Variants in MMS19 observed in about 807,000 individuals in gnomAD.
MMS19 encodes the protein MMS19 nucleotide excision repair protein homolog.
In MMS19, 77 loss-of-function variants were observed where a neutral mutation model predicts 129.8. The ratio of observed to expected loss-of-function variants is 0.59; its 90% CI spans 0.49 to 0.72. The LOEUF (loss-of-function observed/expected upper bound fraction) is 0.72. MMS19 is among the 30% of genes least tolerant of loss of function. The pLI is 0.00. For synonymous variants in MMS19, 491 were observed against 502.8 expected, an observed-to-expected ratio of 0.98 and a Z score of 0.31; for missense variants, 1,168 against 1,266.3, an observed-to-expected ratio of 0.92 and a Z score of 1.18.
At chr10:97,472,193 CAG>C (rs2034855840) in intron 8 of MMS19, among the ~76,000 whole-genome samples, 1 of 152,156 alleles carries the variant, frequency 6.6e-6, no homozygotes, top group South Asian at 2.1e-4. Flanking sequence ...GTTTATGAAA[CAG>C]AAGAAATTCA....
chr10:97,461,205 A>G, intron 23 of MMS19, 198 bp from the exon 24 acceptor site: 2 of 608,748 alleles, frequency 3.3e-6, no homozygotes, highest in South Asian at 4.2e-5. Flanking sequence ...CCATTTGAAA[A>G]GAGAGGGTCA....
chr10:97,468,195 GA>G, intron 13 of MMS19, 56 bp downstream of exon 13: 1 of 1,459,938 alleles, frequency 6.8e-7, no homozygotes, highest in Non-Finnish European at 9.1e-7. Context: ...CACTCTCTGA[GA>G]AAGGGAACCT....
At chr10:97,462,489 TA>T in intron 20 of MMS19, 93 bp downstream of exon 20, 1 of 871,290 alleles carries the variant, frequency 1.1e-6, no homozygotes, top group Non-Finnish European at 1.9e-6. Context: ...TACATATAGG[TA>T]AAAGGACAGC....
chr10:97,473,908 C>T (rs1376227580), intron 8 of MMS19, among the ~76,000 whole-genome samples: 3 of 151,792 alleles, frequency 2.0e-5, no homozygotes, highest in African/African-American at 7.3e-5. Context: ...TTTGGGAAGT[C>T]GAGGCAGGTG....
In MMS19 at chr10:97,493,796, C is replaced by G. The variant is rs1302765900; in HGVS notation, c.112+4477G>C. Reference sequence around the variant, plus strand: ...TTGGGAGGCCAAGGCAGGCAGATCACCTGAGGTCGGAAGTTTAGAGACTTG... The same window carrying G: ...TTGGGAGGCCAAGGCAGGCAGATCAGCTGAGGTCGGAAGTTTAGAGACTTG... On this transcript the variant is annotated intron_variant, in intron 1 of 30. Coordinates refer to ENST00000438925, the MANE Select transcript of MMS19 (RefSeq NM_022362.5). Among the ~76,000 whole-genome samples, 4 of 152,194 alleles carry G rather than the reference C, an allele frequency of 2.6e-5. No individual in the cohort carries two copies. The East Asian group carries it at 7.7e-4, about 29-fold the overall frequency.
At chr10:97,481,561 C>G (rs952051282) in intron 2 of MMS19, among the ~76,000 whole-genome samples, 2 of 152,072 alleles carry the variant, frequency 1.3e-5, no homozygotes, top group Non-Finnish European at 2.9e-5. Flanking sequence ...AACTTTATAA[C>G]TGGAAGGTTA....
chr10:97,459,080 G>A (rs1266071601), intron 29 of MMS19, 143 bp downstream of exon 29: 13 of 980,886 alleles, frequency 1.3e-5, no homozygotes, highest in African/African-American at 3.3e-5. Flanking sequence ...GAATCCTTGG[G>A]CCCAGAATTA....
chr10:97,498,549 T>G, upstream of MMS19: 2 of 878,460 alleles, frequency 2.3e-6, no homozygotes, highest in South Asian at 1.9e-5. Context: ...GGGCGGGGCC[T>G]GAAATGGGGC....
intron 8 of MMS19, among the ~76,000 whole-genome samples, chr10:97,475,092 C>A (rs1040997116): frequency 1.3e-5 from 2 of 150,188 alleles, no homozygotes; most frequent in Admixed American, 1.3e-4. Context: ...TGAAATTATT[C>A]ATTATTTCCG....
intron 1 of MMS19, among the ~76,000 whole-genome samples, chr10:97,487,916 A>C (rs541522455): frequency 1.3e-5 from 2 of 151,058 alleles, no homozygotes; most frequent in South Asian, 4.2e-4. Context: ...CAGGAGTTTG[A>C]GACCAGCCTA....
At chr10:97,496,529 A>AAG in intron 1 of MMS19, among the ~76,000 whole-genome samples, 1 of 151,814 alleles carries the variant, frequency 6.6e-6, no homozygotes, top group African/African-American at 2.4e-5. Context: ...AAAAAAAAAA[A>AAG]AGAGAAGAAT....
chr10:97,462,743 A>G, intron 19 of MMS19, 61 bp from the exon 20 acceptor site: 1 of 1,323,914 alleles, frequency 7.6e-7, no homozygotes, highest in Non-Finnish European at 1.1e-6. Context: ...GAAATGAATG[A>G]TTGGGTTCTG....
rs374031872 is a variant in MMS19 at position 97,468,392 on chromosome 10, G to C, written c.1078C>G (p.Leu360Val). The change falls in exon 13 of 31, where the codon CTG (leucine) becomes GTG (valine). Residue 360 changes from leucine (L) to valine (V), a missense_variant. By Grantham distance (32) the Leu-to-Val change is conservative (BLOSUM62 1). Transcript: ENST00000438925. ...ACCAGTTTCATGTCCGGTTCACACA[G>C]GTGGTGCCTGCAGTCTAGAGAAGCA... ...SNILQDCRHH[L>V]CEPDMKLVWP... The C allele has an allele frequency of 8.7e-6, 14 of 1,608,244 alleles. No individual in the cohort carries two copies. Among genetic ancestry groups the C allele is most frequent in the Admixed American group, 8.4e-5 (5 of 59,598 alleles).
At chr10:97,469,851 G>C (rs944124146) in intron 10 of MMS19, 128 bp from the exon 11 acceptor site, 14 of 740,924 alleles carry the variant, frequency 1.9e-5, no homozygotes, top group Non-Finnish European at 2.2e-6. Context: ...ATTTTTAACA[G>C]TCCTACTAAG....
Position 97,480,796 on chromosome 10 carries a change from A to T in MMS19, c.262+146T>A, listed in dbSNP as rs886851722. ...TCTCAATTCTAATCATCTCTGCCAC[A>T]TATACCAGTGAGGAATGAAGACCTT... On this transcript the variant is annotated intron_variant, in intron 3 of 30. Coordinates refer to ENST00000438925, the MANE Select transcript of MMS19 (RefSeq NM_022362.5). 4.4e-6 allele frequency: 3 copies of T among 682,426 alleles called. No homozygotes were observed. The African/African-American group carries it at 5.4e-5, about 12-fold the overall frequency. The allele number at this position is 682,426 out of a possible 1,614,324, so 42.3% of individuals were successfully genotyped here. A position where few individuals can be genotyped will look rare whatever the true frequency, so the allele number is the denominator to read the frequency against.
chr10:97,475,401 T>C (rs944761232), intron 8 of MMS19, among the ~76,000 whole-genome samples: 8 of 152,224 alleles, frequency 5.3e-5, no homozygotes, highest in African/African-American at 1.7e-4. Flanking sequence ...TTGAATCATG[T>C]GAATGAATTA....
chr10:97,481,872 AG>A (rs1256744934), intron 2 of MMS19, among the ~76,000 whole-genome samples: 3 of 152,214 alleles, frequency 2.0e-5, no homozygotes, highest in Non-Finnish European at 4.4e-5. Flanking sequence ...GTTTCTACTC[AG>A]GAAGTAGAAA....
chr10:97,458,632 G>A lies in MMS19; in HGVS notation c.*60C>T, dbSNP rs1737218028. The A allele has an allele frequency of 1.3e-6, 2 of 1,527,628 alleles. No individual in the cohort carries two copies. Among genetic ancestry groups the A allele is most frequent in the Non-Finnish European group, 1.8e-6 (2 of 1,129,230 alleles). The allele number at this position is 1,527,628 out of a possible 1,614,324, so 94.6% of individuals were successfully genotyped here. ...TGGTTTCCCTGCTTTGGGGAAGATG[G>A]CTCAACAGTTAGTAATCCCAGGTTA... On this transcript the variant is annotated 3_prime_UTR_variant, in exon 31 of 31. Transcript: ENST00000438925.
chr10:97,469,099 G>C lies in MMS19; in HGVS notation c.930C>G (p.Phe310Leu), dbSNP rs748346482. 1 of 1,575,560 alleles carries C rather than the reference G, an allele frequency of 6.3e-7. No individual in the cohort carries two copies. Among genetic ancestry groups the C allele is most frequent in the Non-Finnish European group, 8.6e-7 (1 of 1,164,306 alleles). Residue 310 changes from phenylalanine to leucine, a missense_variant, in exon 12 of 31, where the codon TTC (phenylalanine) becomes TTG (leucine). This residue lies in a region of MMS19 where 831 missense variants were observed against 910.8 expected (regional missense o/e 0.91). Transcript: ENST00000438925. ...CCTCCACCCGCTCACTTGCCGTCTGGAACACCTGTCAGGGAGGGATCCCAT... is the reference window on the plus strand; with the variant it reads ...CCTCCACCCGCTCACTTGCCGTCTGCAACACCTGTCAGGGAGGGATCCCAT... The part of the protein sequence containing the change: ...SLWASIRREV[F>L]QTASERVEAE...
Sources: allele counts gnomAD v4.1 joint callset (sites outside exome capture counted in the v4.1 genomes callset), GRCh38; gene constraint gnomAD v4.1.1; regional missense constraint gnomAD v4.1.1; transcripts MANE v1.5; gene names NCBI Gene and HGNC (gene_info 2026-07-23, HGNC 2026-07-21).